DDX10: variants seen among roughly 807,000 people sequenced by gnomAD.
DDX10 encodes the protein probable ATP-dependent RNA helicase DDX10.
DDX10 carries 74 observed loss-of-function variants against 104.3 expected under a neutral mutation model. The observed-to-expected ratio is 0.71, with a 90% CI of 0.59 to 0.86. The LOEUF (loss-of-function observed/expected upper bound fraction) is 0.86. Among genes scored for constraint, DDX10 ranks in the 40% least tolerant of loss-of-function variants. The probability of loss-of-function intolerance (pLI) is 0.00; values close to 1 mark genes in which losing one functional copy is unlikely to be tolerated. For missense variants in DDX10, 952 were observed against 1,040.0 expected (o/e 0.92, Z 1.16); for synonymous variants, 351 against 353.4 (o/e 0.99, Z 0.08).
chr11:108,927,397 C>T (rs548548345), intron 17 of DDX10, among the ~76,000 whole-genome samples: 20 of 152,128 alleles, frequency 1.3e-4, no homozygotes, highest in South Asian at 1.0e-3. Context: ...ACTTTCTGGC[C>T]GCACAGTCTC....
At chr11:108,821,013 A>C (rs1862319663) in intron 13 of DDX10, among the ~76,000 whole-genome samples, 1 of 152,186 alleles carries the variant, frequency 6.6e-6, no homozygotes, top group African/African-American at 2.4e-5. Flanking sequence ...TTCCACAAAT[A>C]ATTATTGATT....
intron 13 of DDX10, among the ~76,000 whole-genome samples, chr11:108,737,503 G>A (rs1251133254): frequency 6.6e-6 from 1 of 152,186 alleles, no homozygotes; most frequent in Admixed American, 6.5e-5. Context: ...GTTCTAATAA[G>A]GCCGACATGG....
In DDX10 at chr11:108,940,301, G is replaced by T. The variant is rs377151111; in HGVS notation, c.2506G>T (p.Val836Leu). The change falls in exon 18 of 18, where the codon GTG becomes TTG. Residue 836 changes from valine to leucine, a missense_variant. Val to Leu is a conservative substitution (Grantham distance 32, BLOSUM62 1). Coordinates refer to ENST00000322536, the MANE Select transcript of DDX10 (RefSeq NM_004398.4). Reference protein sequence around the residue: ...KKRSNSEVEDVGPTSHNRKKA... With the variant: ...KKRSNSEVEDLGPTSHNRKKA... ...GAGGAGCAACAGTGAAGTGGAAGAC[G>T]TGGGACCAACAAGTCATAACAGAAA... 1.9e-6 allele frequency: 3 copies of T among 1,613,922 alleles called. No homozygotes were observed. The highest frequency in any genetic ancestry group is 2.2e-5 in the East Asian group (1 of 44,826).
At chr11:108,785,102 A>G (rs1030220814) in intron 13 of DDX10, among the ~76,000 whole-genome samples, 1 of 152,116 alleles carries the variant, frequency 6.6e-6, no homozygotes, top group Non-Finnish European at 1.5e-5. Context: ...GCCTTACAGT[A>G]TTGTTTGAAG....
intron 10 of DDX10, among the ~76,000 whole-genome samples, chr11:108,711,897 G>A (rs1050361615): frequency 3.9e-5 from 6 of 152,162 alleles, no homozygotes; most frequent in Admixed American, 2.6e-4. Flanking sequence ...ATTCCTGATA[G>A]TAGGGTGTTG....
At chr11:108,730,780 G>A (rs932138803) in intron 13 of DDX10, among the ~76,000 whole-genome samples, 6 of 151,424 alleles carry the variant, frequency 4.0e-5, no homozygotes, top group Admixed American at 2.6e-4. Context: ...TGTAAAATTC[G>A]GTTTACTAAG....
intron 16 of DDX10, among the ~76,000 whole-genome samples, chr11:108,873,405 G>A (rs1863108515): frequency 6.6e-6 from 1 of 152,090 alleles, no homozygotes; most frequent in Non-Finnish European, 1.5e-5. Context: ...TAGATCTACA[G>A]ACGTGTTATG....
chr11:108,734,491 G>A (rs188169398), intron 13 of DDX10, among the ~76,000 whole-genome samples: 1 of 152,110 alleles, frequency 6.6e-6, no homozygotes, highest in African/African-American at 2.4e-5. Context: ...TCCTATTTGA[G>A]TTTGGTATGC....
intron 16 of DDX10, among the ~76,000 whole-genome samples, chr11:108,891,606 C>T (rs554735080): frequency 2.2e-4 from 33 of 152,232 alleles, no homozygotes; most frequent in Admixed American, 2.0e-3. Context: ...TTTCTTGCCT[C>T]AAAGTATAAT....
chr11:108,670,776 A>G (rs544143826), intron 1 of DDX10, among the ~76,000 whole-genome samples: 2 of 152,014 alleles, frequency 1.3e-5, no homozygotes, highest in African/African-American at 4.8e-5. Context: ...GCTGTACTGC[A>G]TAGAAACTGC....
At chr11:108,809,708 T>G (rs1320896276) in intron 13 of DDX10, among the ~76,000 whole-genome samples, 2 of 152,188 alleles carry the variant, frequency 1.3e-5, no homozygotes, top group East Asian at 3.9e-4. Flanking sequence ...CACATTCTAA[T>G]GCATGTATCC....
At chr11:108,907,358 C>T (rs568776691) in intron 16 of DDX10, among the ~76,000 whole-genome samples, 3 of 146,268 alleles carry the variant, frequency 2.1e-5, no homozygotes, top group East Asian at 4.0e-4. Flanking sequence ...TTTTTTGAGA[C>T]GATGTCTTGC....
At chr11:108,726,894 A>G (rs1053241475) in intron 13 of DDX10, among the ~76,000 whole-genome samples, 70 of 152,054 alleles carry the variant, frequency 4.6e-4, no homozygotes, top group African/African-American at 1.6e-3. Flanking sequence ...TTTATGATAA[A>G]ATGAATTGTG....
intron 7 of DDX10, chr11:108,690,626 A>G (rs1402899365): frequency 6.4e-6 from 1 of 156,214 alleles, no homozygotes; most frequent in African/African-American, 2.4e-5. Context: ...TGTAGTCCCC[A>G]GTGGCAACAT....
chr11:108,921,065 T>C (rs1258810445), intron 17 of DDX10: 1 of 152,204 alleles, frequency 6.6e-6, no homozygotes, highest in Admixed American at 6.5e-5. Context: ...TGTCAATCAA[T>C]TGGAACTGGT....
chr11:108,830,681 G>A (rs1258643496), intron 13 of DDX10, among the ~76,000 whole-genome samples: 3 of 152,052 alleles, frequency 2.0e-5, no homozygotes, highest in Admixed American at 2.0e-4. Flanking sequence ...GTTAGTTGTG[G>A]GTTTGTTGTA....
At chr11:108,779,722 T>A (rs906524187) in intron 13 of DDX10, among the ~76,000 whole-genome samples, 9 of 152,328 alleles carry the variant, frequency 5.9e-5, no homozygotes, top group South Asian at 2.1e-4. Flanking sequence ...GGCTTCATGT[T>A]AGTTGCATAA....
At chr11:108,908,473 A>C (rs1863626479) in intron 16 of DDX10, among the ~76,000 whole-genome samples, 1 of 152,252 alleles carries the variant, frequency 6.6e-6, no homozygotes, top group Admixed American at 6.5e-5. Context: ...AAATGGAATT[A>C]AATAACTAAA....
At chr11:108,831,793 G>A (rs1862477063) in intron 13 of DDX10, among the ~76,000 whole-genome samples, 1 of 152,034 alleles carries the variant, frequency 6.6e-6, no homozygotes, top group Admixed American at 6.5e-5. Context: ...TGTAGCCAAT[G>A]TTAGCTAACA....
Sources: gnomAD v4.1 joint callset for allele counts (sites outside exome capture counted in the v4.1 genomes callset) on GRCh38, gnomAD v4.1.1 for gene constraint, MANE v1.5 for transcripts, NCBI Gene and HGNC (gene_info 2026-07-23, HGNC 2026-07-21) for gene names.